The following C18orf63 variants were observed in gnomAD, a reference collection of about 807,000 sequenced individuals.
C18orf63 encodes uncharacterized protein C18orf63.
Under a neutral mutation model 75.3 loss-of-function variants are expected in C18orf63, and 50 were observed. The ratio of observed to expected loss-of-function variants is 0.66; its 90% CI spans 0.53 to 0.84. The LOEUF (loss-of-function observed/expected upper bound fraction) is 0.84. C18orf63 is among the 40% of genes least tolerant of loss of function. The probability of loss-of-function intolerance (pLI) is 0.00; values close to 1 mark genes in which losing one functional copy is unlikely to be tolerated. For synonymous variants in C18orf63, 232 were observed against 267.6 expected (o/e 0.87, Z 1.30); for missense variants, 732 against 800.2 (o/e 0.91, Z 1.03).
At chr18:74,347,778 C>A (rs1326491996) in intron 11 of C18orf63, among the ~76,000 whole-genome samples, 1 of 152,106 alleles carries the variant, frequency 6.6e-6, no homozygotes, top group Non-Finnish European at 1.5e-5. Flanking sequence ...ATTAGGAATC[C>A]TTAGTCAAAC....
At chr18:74,344,213 G>A (rs1302039824) in intron 11 of C18orf63, among the ~76,000 whole-genome samples, 4 of 152,126 alleles carry the variant, frequency 2.6e-5, no homozygotes, top group Non-Finnish European at 5.9e-5. Context: ...TAATGGACAA[G>A]TTAAAGATGA....
intron 3 of C18orf63, among the ~76,000 whole-genome samples, chr18:74,320,807 C>A (rs1056375729): frequency 4.6e-5 from 7 of 152,068 alleles, no homozygotes; most frequent in African/African-American, 1.7e-4. Flanking sequence ...TTATTTTTCT[C>A]ATTATAAATG....
rs918507141 is a variant in C18orf63, at chr18:74,358,645, G to A, written c.*2198G>A. On this transcript the variant is annotated 3_prime_UTR_variant, in exon 14 of 14. Transcript: ENST00000579455. ...GAAATTATTCTTATATTCCAATTGT[G>A]CATTAGTTTTAGAACCATTTTAATT... The A allele has an allele frequency of 2.0e-5, 3 of 152,018 alleles. No individual in the cohort carries two copies. The highest frequency in any genetic ancestry group is 1.3e-4 in the Admixed American group (2 of 15,252). 9.4% of individuals were successfully genotyped at this position (152,018 alleles called of 1,614,324 possible). A position where few individuals can be genotyped will look rare whatever the true frequency, so the allele number is the denominator to read the frequency against.
At chr18:74,335,898 C>T (rs1057453610) in intron 7 of C18orf63, among the ~76,000 whole-genome samples, 2 of 152,060 alleles carry the variant, frequency 1.3e-5, no homozygotes, top group African/African-American at 4.8e-5. Context: ...CCTAGAATCA[C>T]ATTAAAATTC....
chr18:74,329,919 TCA>T (rs1271477305), intron 6 of C18orf63, among the ~76,000 whole-genome samples: 13 of 152,188 alleles, frequency 8.5e-5, no homozygotes, highest in Admixed American at 5.2e-4. Flanking sequence ...GCTTTTCACA[TCA>T]TTTGGGCATA....
rs1599000252 is a variant in C18orf63, at chr18:74,321,938, T to C, written c.214-760T>C. Among the ~76,000 whole-genome samples, 5 of 152,348 alleles carry C rather than the reference T, an allele frequency of 3.3e-5. No homozygotes were observed. In the South Asian group the frequency reaches 1.0e-3, roughly 32 times the overall value. ...ACAACCTTTCCTGGATATCTTTCCA[T>C]GTCAGTACACATATCTTCCTCACTT... On this transcript the variant is annotated intron_variant, in intron 3 of 13. Transcript: ENST00000579455.
intron 6 of C18orf63, among the ~76,000 whole-genome samples, chr18:74,330,317 C>CATGCTTTT (rs1984283749): frequency 1.3e-5 from 2 of 152,166 alleles, no homozygotes. Context: ...GAATCCCCCT[C>CATGCTTTT]ATGCTTTTTT....
rs1313735156 is a variant in C18orf63, at chr18:74,353,669, T to C, written c.1402T>C (p.Leu468=). The C allele has an allele frequency of 3.9e-6, 6 of 1,536,118 alleles. No individual in the cohort carries two copies. The highest frequency in any genetic ancestry group is 2.0e-5 in the Admixed American group (1 of 50,986). Residue 468 remains leucine (L), a synonymous_variant, in exon 12 of 14, where the codon TTG becomes CTG. Transcript: ENST00000579455. ...ACAGCATGATGTGACACAATCTAAA[T>C]TGTTTTCACTCAAAACTAGTATGAT... The part of the protein sequence containing the change: ...RKQHDVTQSK[L]FSLKTSMIQH...
At position 74,316,443 on chromosome 18, in the gene C18orf63, C is replaced by G. The variant is rs115629171; in HGVS notation, c.-33+334C>G. Among the ~76,000 whole-genome samples, 702 of 152,336 alleles carry G rather than the reference C, an allele frequency of 4.6e-3. 8 individuals are homozygous for G. Among genetic ancestry groups the G allele is most frequent in the African/African-American group, 0.016 (674 of 41,578 alleles). On this transcript the variant is annotated intron_variant, in intron 1 of 13. Coordinates refer to ENST00000579455, the MANE Select transcript of C18orf63 (RefSeq NM_001174123.2). ...GCGGCAAGCCGGGTCTGGGGCCGCCCTGAACCCCGCGCCCCGGGAGGATTT... is the reference window on the plus strand; with the variant it reads ...GCGGCAAGCCGGGTCTGGGGCCGCCGTGAACCCCGCGCCCCGGGAGGATTT...
intron 11 of C18orf63, among the ~76,000 whole-genome samples, chr18:74,345,909 C>T (rs1411121689): frequency 6.6e-6 from 1 of 151,728 alleles, no homozygotes; most frequent in East Asian, 1.9e-4. Flanking sequence ...CTGTGCATTT[C>T]CATACACATT....
intron 4 of C18orf63, 56 bp downstream of exon 4, chr18:74,322,810 C>A: frequency 1.7e-6 from 1 of 604,008 alleles, no homozygotes. Flanking sequence ...ATTATACGTT[C>A]CACTCCTTTT....
intron 11 of C18orf63, among the ~76,000 whole-genome samples, chr18:74,351,430 C>T (rs1984664378): frequency 6.6e-6 from 1 of 152,104 alleles, no homozygotes; most frequent in Non-Finnish European, 1.5e-5. Flanking sequence ...AAACAGCTTC[C>T]ACCTGGTCTT....
chr18:74,330,976 A>G (rs755351230), intron 7 of C18orf63, 34 bp downstream of exon 7: 1 of 854,904 alleles, frequency 1.2e-6, no homozygotes, highest in South Asian at 2.3e-5. Context: ...ACTTTATTAT[A>G]TTTACTATAT....
Position 74,356,882 on chromosome 18 carries a change from T to C in C18orf63, c.*435T>C, listed in dbSNP as rs1268698871. 2 of 152,154 alleles carry C rather than the reference T, an allele frequency of 1.3e-5. No homozygotes were observed. Among genetic ancestry groups the C allele is most frequent in the Non-Finnish European group, 2.9e-5 (2 of 68,042 alleles). 9.4% of individuals were successfully genotyped at this position (152,154 alleles called of 1,614,324 possible). Reference sequence around the variant, plus strand: ...CCAGTTATTAATATTTTGCCACTGTTTCATCTGTTCCTCACAGACATGCTT... The same window carrying C: ...CCAGTTATTAATATTTTGCCACTGTCTCATCTGTTCCTCACAGACATGCTT... On this transcript the variant is annotated 3_prime_UTR_variant, in exon 14 of 14. Coordinates refer to ENST00000579455, the MANE Select transcript of C18orf63 (RefSeq NM_001174123.2).
At chr18:74,318,379 G>A (rs1041222139) in intron 2 of C18orf63, among the ~76,000 whole-genome samples, 3 of 152,160 alleles carry the variant, frequency 2.0e-5, no homozygotes, top group Non-Finnish European at 4.4e-5. Context: ...GGCACTTAGA[G>A]ATCCTATAAA....
rs559227687 is a variant in C18orf63, at chr18:74,324,203, T to C, written c.270+1449T>C. On this transcript the variant is annotated intron_variant, in intron 4 of 13. Transcript: ENST00000579455. ...ATATTTGTGATTGTTTTGAACCGTG[T>C]GGTAGTAGGAGGTGCTCCTTACAAT... is the stretch of plus-strand genomic sequence containing the variant. Among the ~76,000 whole-genome samples the C allele has an allele frequency of 5.9e-5, 9 of 152,354 alleles. No individual in the cohort carries two copies. The South Asian group carries it at 1.9e-3, about 32-fold the overall frequency.
Position 74,317,990 on chromosome 18 carries a change from A to C in C18orf63, c.125A>C (p.Lys42Thr). ...ACTGAGATTAGGACTATACAAATGA[A>C]GATGTGCAGGTAAAAAAATACATCT... is the stretch of plus-strand genomic sequence containing the variant. ...ADTEIRTIQM[K>T]MCRQLLFLHQ... Residue 42 changes from lysine (K) to threonine (T), a missense_variant, in exon 2 of 14, where the codon AAG becomes ACG. Physicochemically the swap from Lys to Thr is moderately conservative, Grantham distance 78. Around this residue, in one of 3 missense-constraint regions of C18orf63, gnomAD observed 233 missense variants for 272.7 expected, o/e 0.85. Coordinates refer to ENST00000579455, the MANE Select transcript of C18orf63 (RefSeq NM_001174123.2). The C allele has an allele frequency of 6.7e-7, 1 of 1,492,192 alleles. No homozygotes were observed. Among genetic ancestry groups the C allele is most frequent in the Non-Finnish European group, 8.9e-7 (1 of 1,123,322 alleles). 92.4% of individuals were successfully genotyped at this position (1,492,192 alleles called of 1,614,324 possible).
chr18:74,319,160 A>G (rs1488984854), intron 2 of C18orf63, among the ~76,000 whole-genome samples: 1 of 152,214 alleles, frequency 6.6e-6, no homozygotes, highest in Non-Finnish European at 1.5e-5. Context: ...TAAAATAGGT[A>G]GAAAACCTAA....
Position 74,353,910 on chromosome 18 carries a change from T to A in C18orf63, c.1643T>A (p.Phe548Tyr), listed in dbSNP as rs8093952. 244,778 of 1,535,636 alleles carry A rather than the reference T, an allele frequency of 0.16. 21,252 individuals carry two copies. The highest frequency in any genetic ancestry group is 0.21 in the Admixed American group (10,840 of 50,960). ...AAGCAACTATCTAATAGTGCAGTAT[T>A]TGTGGTGTCAAATAACAATTTAGGG... ...KNKQLSNSAV[F>Y]VVSNNNLGVV... The change falls in exon 12 of 14, where the codon TTT becomes TAT. Residue 548 changes from phenylalanine (F) to tyrosine (Y), a missense_variant. By Grantham distance (22) the Phe-to-Tyr change is conservative. Transcript: ENST00000579455.
Sources: gnomAD v4.1 joint callset for allele counts (sites outside exome capture counted in the v4.1 genomes callset) on GRCh38, gnomAD v4.1.1 for gene constraint, gnomAD v4.1.1 regional missense constraint, MANE v1.5 for transcripts, NCBI Gene and HGNC (gene_info 2026-07-23, HGNC 2026-07-21) for gene names.